The following MB21D2 variants were observed in gnomAD, a reference collection of about 807,000 sequenced individuals.
MB21D2 encodes the protein Mab-21 domain containing 2.
MB21D2 carries 9 observed loss-of-function variants against 33.3 expected under a neutral mutation model. The ratio of observed to expected loss-of-function variants is 0.27; its 90% CI spans 0.16 to 0.47. MB21D2 has a LOEUF of 0.47. MB21D2 is among the 20% of genes least tolerant of loss of function. The pLI, the probability that MB21D2 is intolerant of heterozygous loss-of-function variation, is 0.99. For missense variants in MB21D2, 540 were observed against 624.6 expected (o/e 0.86, Z 1.44); for synonymous variants, 241 against 236.3 (o/e 1.02, Z -0.18).
intron 1 of MB21D2, among the ~76,000 whole-genome samples, chr3:192,837,932 T>G (rs140915749): frequency 1.3e-5 from 2 of 152,352 alleles, no homozygotes; most frequent in East Asian, 3.9e-4. Context: ...TTTCTATTAT[T>G]ACATGACAGA....
intron 1 of MB21D2, among the ~76,000 whole-genome samples, chr3:192,891,336 GAAT>G (rs1269696234): frequency 6.6e-6 from 1 of 152,130 alleles, no homozygotes; most frequent in Non-Finnish European, 1.5e-5. Context: ...ATCTGGATTA[GAAT>G]AATTAATGTA....
At chr3:192,867,626 T>C (rs1713197697) in intron 1 of MB21D2, among the ~76,000 whole-genome samples, 1 of 152,186 alleles carries the variant, frequency 6.6e-6, no homozygotes, top group Admixed American at 6.5e-5. Context: ...GAAAAGGTTA[T>C]GTGACTAGAT....
chr3:192,816,221 T>A (rs541683734), intron 1 of MB21D2, among the ~76,000 whole-genome samples: 12,046 of 110,664 alleles, frequency 0.11, 495 homozygotes, highest in Middle Eastern at 0.18. Context: ...AATTTTTTTT[T>A]TTAAAAAAAA....
chr3:192,908,551 T>A (rs1372882988), intron 1 of MB21D2, among the ~76,000 whole-genome samples: 1 of 151,706 alleles, frequency 6.6e-6, no homozygotes, highest in African/African-American at 2.4e-5. Context: ...GCAGCTGGGA[T>A]GACAGACGCC....
intron 1 of MB21D2, among the ~76,000 whole-genome samples, chr3:192,911,852 T>C (rs902842418): frequency 2.0e-5 from 3 of 152,138 alleles, no homozygotes; most frequent in Non-Finnish European, 2.9e-5. Context: ...TTCTCAGAGA[T>C]AGAACAAACT....
chr3:192,822,650 C>T (rs543474819), intron 1 of MB21D2, among the ~76,000 whole-genome samples: 15 of 152,328 alleles, frequency 9.8e-5, no homozygotes, highest in Admixed American at 9.2e-4. Context: ...GTCACTGTAT[C>T]CTTTACGGCT....
At chr3:192,829,371 C>G (rs1017758297) in intron 1 of MB21D2, among the ~76,000 whole-genome samples, 1 of 152,174 alleles carries the variant, frequency 6.6e-6, no homozygotes, top group Non-Finnish European at 1.5e-5. Context: ...TTCCATTTCT[C>G]TCAGACGAAT....
rs1345705801 is a variant in MB21D2, at chr3:192,798,958, T to C, written c.904A>G (p.Ile302Val). 2 of 1,613,866 alleles carry C rather than the reference T, an allele frequency of 1.2e-6. No individual in the cohort carries two copies. Among genetic ancestry groups the C allele is most frequent in the African/African-American group, 1.3e-5 (1 of 74,874 alleles). The stretch of plus-strand genomic sequence containing the variant: ...TAGGCCTGCATGAGGCTGCTGGAGA[T>C]GCACTTCTTCAACTGCACCTCGCTC... ...ARSEVQLKKC[I>V]SSSLMQAYQA... Residue 302 changes from isoleucine (I) to valine (V), a missense_variant, in exon 2 of 2, where the codon ATC (isoleucine) becomes GTC (valine). By Grantham distance (29) the Ile-to-Val change is conservative. Transcript: ENST00000392452. The surrounding 1 kb of genome is among the most constrained non-coding windows in gnomAD (Gnocchi z 4.8).
intron 1 of MB21D2, among the ~76,000 whole-genome samples, chr3:192,857,050 A>G (rs1577185379): frequency 1.3e-5 from 2 of 152,224 alleles, no homozygotes; most frequent in Non-Finnish European, 2.9e-5. Flanking sequence ...ACTTCATTAC[A>G]GCTGCTATGA....
rs189427461 is a variant in MB21D2, at chr3:192,882,148, G to T, written c.211+35482C>A. On this transcript the variant is annotated intron_variant, in intron 1 of 1. Coordinates refer to ENST00000392452, the MANE Select transcript of MB21D2 (RefSeq NM_178496.4). ...CATTTAGTAATTTTTTTTTTTAGACGGAGTTTCACTCTTGATGCCCAGGCT... is the reference window on the plus strand; with the variant it reads ...CATTTAGTAATTTTTTTTTTTAGACTGAGTTTCACTCTTGATGCCCAGGCT... Among the ~76,000 whole-genome samples, 1,023 of 151,940 alleles carry T rather than the reference G, an allele frequency of 6.7e-3. 11 individuals are homozygous for T. Among genetic ancestry groups the T allele is most frequent in the South Asian group, 0.011 (54 of 4,806 alleles).
rs1714296885 is a variant in MB21D2 at position 192,909,707 on chromosome 3, C to G, written c.211+7923G>C. The stretch of plus-strand genomic sequence containing the variant: ...GCACTTTGGAAGGCCGAGGTGGGTG[C>G]ATCACTCGAGGTCAGGAGTTCAAGA... On this transcript the variant is annotated intron_variant, in intron 1 of 1. Coordinates refer to ENST00000392452, the MANE Select transcript of MB21D2 (RefSeq NM_178496.4). Among the ~76,000 whole-genome samples the G allele has an allele frequency of 2.6e-5, 4 of 151,702 alleles. No individual in the cohort carries two copies. The South Asian group carries it at 8.3e-4, about 32-fold the overall frequency.
chr3:192,855,945 C>T (rs1038711103), intron 1 of MB21D2, among the ~76,000 whole-genome samples: 51 of 152,152 alleles, frequency 3.4e-4, no homozygotes, highest in Non-Finnish European at 4.4e-5. Flanking sequence ...GTAATTCCAG[C>T]TATTCGGGGG....
chr3:192,881,923 T>C (rs1319530624), intron 1 of MB21D2, among the ~76,000 whole-genome samples: 4 of 152,112 alleles, frequency 2.6e-5, no homozygotes, highest in South Asian at 2.1e-4. Flanking sequence ...CTTATAAACA[T>C]TGGGATCCAA....
intron 1 of MB21D2, among the ~76,000 whole-genome samples, chr3:192,883,532 C>A (rs956242963): frequency 3.3e-5 from 5 of 151,992 alleles, no homozygotes; most frequent in African/African-American, 1.2e-4. Flanking sequence ...TAGTTTATAA[C>A]TAGGTTTTCT....
intron 1 of MB21D2, among the ~76,000 whole-genome samples, chr3:192,839,606 ATATATGTGTCTG>A (rs1278719478): frequency 6.6e-6 from 1 of 152,208 alleles, no homozygotes; most frequent in Non-Finnish European, 1.5e-5. Context: ...CTACATATAC[ATATATGTGTCTG>A]TGTGTGTGTA....
chr3:192,883,286 C>T (rs138726884), intron 1 of MB21D2, among the ~76,000 whole-genome samples: 17 of 152,140 alleles, frequency 1.1e-4, no homozygotes, highest in South Asian at 4.1e-4. Flanking sequence ...CCCTCATTAA[C>T]GAGTTAAATA....
chr3:192,890,328 A>T (rs564963223), intron 1 of MB21D2, among the ~76,000 whole-genome samples: 1 of 152,188 alleles, frequency 6.6e-6, no homozygotes, highest in South Asian at 2.1e-4. Flanking sequence ...AAGACTAAGA[A>T]GGTTTTTTTC....
At chr3:192,880,338 A>C (rs745887291) in intron 1 of MB21D2, among the ~76,000 whole-genome samples, 13 of 151,944 alleles carry the variant, frequency 8.6e-5, no homozygotes, top group Non-Finnish European at 1.6e-4. Context: ...CAGTGTGAGA[A>C]TCCATCTCAG....
intron 1 of MB21D2, among the ~76,000 whole-genome samples, chr3:192,901,695 C>T (rs1249474799): frequency 5.3e-5 from 8 of 152,150 alleles, no homozygotes; most frequent in Non-Finnish European, 8.8e-5. Flanking sequence ...CTATAAGGGT[C>T]ACTCACAGCA....
Sources: allele counts gnomAD v4.1 joint callset (sites outside exome capture counted in the v4.1 genomes callset), GRCh38; gene constraint gnomAD v4.1.1; non-coding constraint Gnocchi (gnomAD v3.1); transcripts MANE v1.5; gene names NCBI Gene and HGNC (gene_info 2026-07-23, HGNC 2026-07-21).